The following SLC25A48 variants were observed in gnomAD, a reference collection of about 807,000 sequenced individuals.
The protein encoded by SLC25A48 is solute carrier family 25 member 48, also known as CTC-321K16.1.
SLC25A48 carries 29 observed loss-of-function variants against 32.2 expected under a neutral mutation model. That is an observed-to-expected ratio of 0.90 (90% confidence interval 0.67 to 1.23). The LOEUF (loss-of-function observed/expected upper bound fraction) is 1.23, where lower values mean the gene tolerates loss of function less well. Among genes scored for constraint, SLC25A48 ranks in the 50% most tolerant of loss-of-function variants. The pLI, the probability that SLC25A48 is intolerant of heterozygous loss-of-function variation, is 0.00. For synonymous variants in SLC25A48, 164 were observed against 172.3 expected, an observed-to-expected ratio of 0.95 and a Z score of 0.38; for missense variants, 399 against 422.7, an observed-to-expected ratio of 0.94 and a Z score of 0.49.
chr5:135,727,850 A>T (rs1755124085), intron 3 of SLC25A48, among the ~76,000 whole-genome samples: 1 of 152,166 alleles, frequency 6.6e-6, no homozygotes, highest in Admixed American at 6.5e-5. Flanking sequence ...ATTTTATTTT[A>T]GCAATTCCAG....
At chr5:135,813,188 C>G (rs1757632214) in intron 4 of SLC25A48, 1 of 152,588 alleles carries the variant, frequency 6.6e-6, no homozygotes, top group East Asian at 1.9e-4. Flanking sequence ...ACCACTCACC[C>G]TCTGCCATCT....
chr5:135,779,364 G>T (rs1756661914), intron 3 of SLC25A48, among the ~76,000 whole-genome samples: 1 of 151,688 alleles, frequency 6.6e-6, no homozygotes, highest in Non-Finnish European at 1.5e-5. Flanking sequence ...TATTGCAGGG[G>T]GTGGATACCC....
intron 2 of SLC25A48, among the ~76,000 whole-genome samples, chr5:135,847,209 G>T (rs1336787367): frequency 2.6e-5 from 4 of 152,190 alleles, no homozygotes; most frequent in African/African-American, 9.7e-5. Flanking sequence ...CCTTTCATAG[G>T]TGTTCACTGA....
chr5:135,797,045 C>G (rs577787544), intron 3 of SLC25A48, among the ~76,000 whole-genome samples: 4 of 151,756 alleles, frequency 2.6e-5, no homozygotes, highest in African/African-American at 7.3e-5. Context: ...CTCCCAATAT[C>G]GAGAGGGGTC....
intron 2 of SLC25A48, among the ~76,000 whole-genome samples, chr5:135,844,326 A>G (rs150997241): frequency 3.9e-5 from 6 of 152,112 alleles, no homozygotes; most frequent in Admixed American, 3.3e-4. Flanking sequence ...GACTTGGAAG[A>G]CTCAGATGCA....
chr5:135,880,716 C>T lies in SLC25A48; in HGVS notation c.*7+619C>T, dbSNP rs57421157. 7.5e-3 allele frequency among the ~76,000 whole-genome samples: 1,133 copies of T among 151,988 alleles called. 18 individuals carry two copies. The highest frequency in any genetic ancestry group is 0.026 in the African/African-American group (1,084 of 41,532). On this transcript the variant is annotated intron_variant, in intron 7 of 7. Coordinates refer to ENST00000681962, the MANE Select transcript of SLC25A48 (RefSeq NM_001349336.2). ...CTAGATAAAGCCTTCACCCTGCTTC[C>T]GCCAGCCTCACTCCTCACCACTGTT...
intron 3 of SLC25A48, among the ~76,000 whole-genome samples, chr5:135,787,938 C>T (rs7445812): frequency 0.24 from 37,089 of 151,582 alleles, 4,991 homozygotes; most frequent in East Asian, 0.44. Context: ...AAAGTCACAA[C>T]GGTGGTATAC....
intron 3 of SLC25A48, among the ~76,000 whole-genome samples, chr5:135,734,090 A>C (rs1316528107): frequency 6.6e-6 from 1 of 152,170 alleles, no homozygotes; most frequent in Non-Finnish European, 1.5e-5. Flanking sequence ...CAATCCCTTT[A>C]AAGCCTATTG....
At chr5:135,812,564 T>C (rs1328638784) in exon 4 of SLC25A48, 1 of 152,254 alleles carries the variant, frequency 6.6e-6, no homozygotes, top group Non-Finnish European at 1.5e-5. Flanking sequence ...TCTGCACACC[T>C]CCACCTGTGA....
At position 135,775,956 on chromosome 5, in the gene SLC25A48, A is replaced by G. The variant is rs535295685; in HGVS notation, c.-520-36567A>G. Among the ~76,000 whole-genome samples, 49 of 151,800 alleles carry G rather than the reference A, an allele frequency of 3.2e-4. 1 individual carries two copies. Among genetic ancestry groups the G allele is most frequent in the Non-Finnish European group, 5.6e-4 (38 of 67,854 alleles). On this transcript the variant is annotated intron_variant, in intron 3 of 10. Coordinates refer to the SLC25A48 transcript ENST00000646290. ...CTGTGATATTGTTCCTCATATAAGA[A>G]GGTGAGAGGGTGATATTACTCCCAA...
intron 1 of SLC25A48, among the ~76,000 whole-genome samples, chr5:135,836,279 T>C (rs1246787080): frequency 1.3e-5 from 2 of 151,900 alleles, no homozygotes; most frequent in East Asian, 3.9e-4. Flanking sequence ...TTGTGCTTTA[T>C]TCTGGTCCTT....
intron 3 of SLC25A48, among the ~76,000 whole-genome samples, chr5:135,642,020 GATCTT>G (rs1265656426): frequency 1.3e-5 from 2 of 152,206 alleles, no homozygotes; most frequent in African/African-American, 2.4e-5. Context: ...TCTTTTCTAA[GATCTT>G]ATCTCTTTAA....
chr5:135,724,842 A>G (rs551008540), intron 3 of SLC25A48, among the ~76,000 whole-genome samples: 2 of 152,334 alleles, frequency 1.3e-5, no homozygotes, highest in African/African-American at 4.8e-5. Context: ...CAGACAGCCC[A>G]TGGCAGAAAC....
chr5:135,863,925 A>G (rs1760998613), intron 4 of SLC25A48, among the ~76,000 whole-genome samples: 1 of 152,216 alleles, frequency 6.6e-6, no homozygotes, highest in African/African-American at 2.4e-5. Flanking sequence ...AGAAGAAGAA[A>G]GAAAGTAAAA....
At chr5:135,581,491 T>C (rs1212029295) in intron 1 of SLC25A48, among the ~76,000 whole-genome samples, 1 of 152,258 alleles carries the variant, frequency 6.6e-6, no homozygotes, top group Non-Finnish European at 1.5e-5. Flanking sequence ...TACCAAGCTT[T>C]CCTAGAGCAT....
At chr5:135,884,634 C>T (rs7737407) in intron 7 of SLC25A48, among the ~76,000 whole-genome samples, 22,421 of 152,040 alleles carry the variant, frequency 0.15, 1,927 homozygotes, top group African/African-American at 0.23. Context: ...TGGGTGGGCA[C>T]GGAGGATGCG....
intron 1 of SLC25A48, among the ~76,000 whole-genome samples, chr5:135,628,861 A>G (rs2126905185): frequency 6.6e-6 from 1 of 152,268 alleles, no homozygotes; most frequent in South Asian, 2.1e-4. Context: ...TTCGAAATAC[A>G]TCATGGATTT....
intron 1 of SLC25A48, among the ~76,000 whole-genome samples, chr5:135,615,322 C>T (rs1226341387): frequency 2.6e-5 from 4 of 152,168 alleles, no homozygotes; most frequent in Admixed American, 2.6e-4. Context: ...GGACAGTGAA[C>T]ACCGGGCTGA....
intron 3 of SLC25A48, among the ~76,000 whole-genome samples, chr5:135,712,208 G>T (rs1409140163): frequency 6.6e-6 from 1 of 152,150 alleles, no homozygotes; most frequent in Non-Finnish European, 1.5e-5. Flanking sequence ...ACTGCCAGAC[G>T]AGGTACATTC....
Sources: gnomAD v4.1 joint callset for allele counts (sites outside exome capture counted in the v4.1 genomes callset) on GRCh38, gnomAD v4.1.1 for gene constraint, MANE v1.5 for transcripts, NCBI Gene and HGNC (gene_info 2026-07-23, HGNC 2026-07-21) for gene names.